HIGD1A: variants seen among roughly 807,000 people sequenced by gnomAD.
The protein encoded by HIGD1A is HIG1 domain family member 1A, mitochondrial.
In HIGD1A, 8 loss-of-function variants were observed where a neutral mutation model predicts 11.3. That is an observed-to-expected ratio of 0.71 (90% CI 0.42 to 1.28). The LOEUF is 1.28. HIGD1A is among the 50% of genes most tolerant of loss of function. HIGD1A has a pLI of 0.01. For missense variants in HIGD1A, 107 were observed against 118.8 expected, an observed-to-expected ratio of 0.90 and a Z score of 0.46; for synonymous variants, 32 against 38.4, an observed-to-expected ratio of 0.83 and a Z score of 0.62.
At chr3:42,800,261 A>T (rs1700539198) in intron 1 of HIGD1A, among the ~76,000 whole-genome samples, 1 of 152,106 alleles carries the variant, frequency 6.6e-6, no homozygotes, top group Non-Finnish European at 1.5e-5. Flanking sequence ...CCCGGGAGGC[A>T]GAGGTTGCAG....
chr3:42,792,850 C>T (rs34974363), intron 2 of HIGD1A, among the ~76,000 whole-genome samples: 26,312 of 151,266 alleles, frequency 0.17, 2,452 homozygotes, highest in South Asian at 0.26. Flanking sequence ...GGCGTGGCGG[C>T]GGGCACCTAT....
chr3:42,791,504 A>G (rs1159878603), intron 2 of HIGD1A, among the ~76,000 whole-genome samples: 1 of 152,238 alleles, frequency 6.6e-6, no homozygotes, highest in Non-Finnish European at 1.5e-5. Flanking sequence ...GATAATATCT[A>G]GTGCTACTGA....
At chr3:42,799,576 C>T (rs924241943) in intron 1 of HIGD1A, among the ~76,000 whole-genome samples, 4 of 152,018 alleles carry the variant, frequency 2.6e-5, no homozygotes, top group South Asian at 2.1e-4. Flanking sequence ...TGTGCCTTAG[C>T]CTAACAGCTG....
At chr3:42,793,050 T>C (rs1284177843) in intron 2 of HIGD1A, among the ~76,000 whole-genome samples, 7 of 150,332 alleles carry the variant, frequency 4.7e-5, no homozygotes, top group African/African-American at 1.7e-4. Flanking sequence ...TTATAATACA[T>C]ATATGCATCT....
chr3:42,791,655 G>A (rs1700423258), intron 2 of HIGD1A, among the ~76,000 whole-genome samples: 1 of 152,164 alleles, frequency 6.6e-6, no homozygotes, highest in South Asian at 2.1e-4. Flanking sequence ...CAACTCCTAT[G>A]TCGTCAATAC....
intron 1 of HIGD1A, among the ~76,000 whole-genome samples, chr3:42,801,997 T>G (rs1700570884): frequency 6.6e-6 from 1 of 152,140 alleles, no homozygotes; most frequent in Non-Finnish European, 1.5e-5. Flanking sequence ...GCCACTGCAC[T>G]CCAGCCGGGG....
At chr3:42,793,789 C>T (rs372738548) in intron 2 of HIGD1A, among the ~76,000 whole-genome samples, 4 of 152,186 alleles carry the variant, frequency 2.6e-5, no homozygotes, top group Non-Finnish European at 5.9e-5. Context: ...TAGGCAGTAT[C>T]GCAAAACCCC....
chr3:42,787,594 AATATATATATATAT>A (rs1163603645), intron 2 of HIGD1A, among the ~76,000 whole-genome samples: 2 of 141,256 alleles, frequency 1.4e-5, no homozygotes, highest in African/African-American at 5.2e-5. Flanking sequence ...CCATCTCAAA[AATATATATATATAT>A]ATATATATAT....
chr3:42,794,037 T>C, intron 2 of HIGD1A, 120 bp downstream of exon 2: 1 of 964,238 alleles, frequency 1.0e-6, no homozygotes, highest in Non-Finnish European at 1.5e-6. Context: ...ATCATGCCAA[T>C]CTCAGCATAT....
Position 42,784,344 on chromosome 3 carries a change from A to G in HIGD1A, c.*927T>C, listed in dbSNP as rs1434726324. On this transcript the variant is annotated 3_prime_UTR_variant, in exon 4 of 4. Coordinates refer to ENST00000321331, the MANE Select transcript of HIGD1A (RefSeq NM_014056.4). The stretch of plus-strand genomic sequence containing the variant: ...TAATAACAATACATATACCATGTTA[A>G]CACCATGGAATGCAAATTCAGATTA... 6.6e-6 allele frequency: 1 copy of G among 152,218 alleles called. No individual in the cohort carries two copies. The highest frequency in any genetic ancestry group is 1.5e-5 in the Non-Finnish European group (1 of 68,014). 9.4% of individuals were successfully genotyped at this position (152,218 alleles called of 1,614,324 possible).
chr3:42,793,825 C>T (rs1273460282), intron 2 of HIGD1A, among the ~76,000 whole-genome samples: 3 of 151,988 alleles, frequency 2.0e-5, no homozygotes, highest in Admixed American at 6.6e-5. Context: ...TACAAAAATT[C>T]GCTGGGCGTG....
At chr3:42,786,827 G>C (rs1700358045) in intron 2 of HIGD1A, among the ~76,000 whole-genome samples, 1 of 152,092 alleles carries the variant, frequency 6.6e-6, no homozygotes, top group Non-Finnish European at 1.5e-5. Flanking sequence ...CCAGGCTGGA[G>C]TGCAGCCGCA....
At chr3:42,791,352 C>G (rs920988491) in intron 2 of HIGD1A, among the ~76,000 whole-genome samples, 1 of 152,066 alleles carries the variant, frequency 6.6e-6, no homozygotes, top group African/African-American at 2.4e-5. Flanking sequence ...ATTAAGAAAA[C>G]ATTAATACCT....
intron 2 of HIGD1A, among the ~76,000 whole-genome samples, chr3:42,793,911 G>C (rs1212220109): frequency 3.3e-5 from 5 of 152,090 alleles, no homozygotes; most frequent in Admixed American, 2.6e-4. Context: ...TCGAGGGATG[G>C]GGGCAGTGAG....
chr3:42,787,590 C>CAAAAAA lies in HIGD1A; in HGVS notation c.98-1429_98-1428insTTTTTT, dbSNP rs375399059. Among the ~76,000 whole-genome samples the CAAAAAA allele has an allele frequency of 7.2e-3, 831 of 115,850 alleles. 15 individuals carry two copies. The highest frequency in any genetic ancestry group is 0.021 in the African/African-American group (635 of 30,640). The allele number at this position is 115,850 out of a possible 152,430, so 76.0% of individuals were successfully genotyped here. A position where few individuals can be genotyped will look rare whatever the true frequency, so the allele number is the denominator to read the frequency against. ...TGGGCGACAGAGCGAGACTCCATCT[C>CAAAAAA]AAAAATATATATATATATATATATA... On this transcript the variant is annotated intron_variant, in intron 2 of 3. Transcript: ENST00000321331.
intron 2 of HIGD1A, among the ~76,000 whole-genome samples, chr3:42,787,594 A>AAAAAAAAAAAATATAT (rs1383516264): frequency 2.8e-5 from 4 of 141,250 alleles, no homozygotes; most frequent in African/African-American, 7.8e-5. Flanking sequence ...CCATCTCAAA[A>AAAAAAAAAAAATATAT]ATATATATAT....
chr3:42,792,357 C>T (rs1199483372), intron 2 of HIGD1A, among the ~76,000 whole-genome samples: 1 of 152,166 alleles, frequency 6.6e-6, no homozygotes, highest in Non-Finnish European at 1.5e-5. Flanking sequence ...TAATTTATAT[C>T]ATATAAATTA....
At chr3:42,790,457 C>T (rs1364368341) in intron 2 of HIGD1A, among the ~76,000 whole-genome samples, 2 of 152,086 alleles carry the variant, frequency 1.3e-5, no homozygotes, top group East Asian at 1.9e-4. Flanking sequence ...TGCTTGAACC[C>T]GGGAGGCGGA....
chr3:42,786,192 T>C (rs769825044), intron 2 of HIGD1A, 30 bp from the exon 3 acceptor site: 1 of 1,613,346 alleles, frequency 6.2e-7, no homozygotes, highest in South Asian at 1.1e-5. Context: ...GTATGTCAGA[T>C]GCATGAGAAG....
Sources: allele counts gnomAD v4.1 joint callset (sites outside exome capture counted in the v4.1 genomes callset), GRCh38; gene constraint gnomAD v4.1.1; transcripts MANE v1.5; gene names NCBI Gene and HGNC (gene_info 2026-07-23, HGNC 2026-07-21).